Variants in OXCT1 observed in about 807,000 individuals in gnomAD.
OXCT1 encodes succinyl-CoA:3-ketoacid coenzyme A transferase 1, mitochondrial.
A neutral mutation model predicts 69.6 loss-of-function variants in OXCT1; 27 were observed. That is an observed-to-expected ratio of 0.39 (90% CI 0.29 to 0.54). The LOEUF (loss-of-function observed/expected upper bound fraction) is 0.54, where lower values mean the gene tolerates loss of function less well. Among genes scored for constraint, OXCT1 ranks in the 20% least tolerant of loss-of-function variants. The pLI is 0.72. For missense variants in OXCT1, 437 were observed against 650.2 expected (o/e 0.67, Z 3.57); for synonymous variants, 202 against 217.8 (o/e 0.93, Z 0.64).
At chr5:41,837,319 C>CGCCGTT (rs1427985087) in intron 7 of OXCT1, among the ~76,000 whole-genome samples, 2 of 150,728 alleles carry the variant, frequency 1.3e-5, no homozygotes, top group Admixed American at 1.3e-4. Context: ...AAAAAAAAGA[C>CGCCGTT]GCCGTTGACT....
chr5:41,747,127 T>C (rs181138827), intron 15 of OXCT1, among the ~76,000 whole-genome samples: 23 of 152,278 alleles, frequency 1.5e-4, no homozygotes, highest in African/African-American at 5.1e-4. Flanking sequence ...GAAGGGTTCC[T>C]TACTGCCTTC....
intron 14 of OXCT1, among the ~76,000 whole-genome samples, chr5:41,758,823 C>T (rs753750153): frequency 6.6e-6 from 1 of 151,922 alleles, no homozygotes; most frequent in Non-Finnish European, 1.5e-5. Flanking sequence ...AAAGACATAC[C>T]TCAGAAATTA....
chr5:41,820,903 C>T (rs1393736770), intron 7 of OXCT1, among the ~76,000 whole-genome samples: 2 of 152,138 alleles, frequency 1.3e-5, no homozygotes, highest in Non-Finnish European at 2.9e-5. Flanking sequence ...CATACACTCG[C>T]AGCAAACCAC....
intron 9 of OXCT1, 74 bp from the exon 10 acceptor site, chr5:41,803,237 G>A: frequency 1.1e-6 from 1 of 944,228 alleles, no homozygotes; most frequent in Non-Finnish European, 1.7e-6. Flanking sequence ...TACATATACA[G>A]ATCTGAACAG....
At chr5:41,811,779 C>T (rs1746996958) in intron 7 of OXCT1, among the ~76,000 whole-genome samples, 1 of 151,994 alleles carries the variant, frequency 6.6e-6, no homozygotes, top group African/African-American at 2.4e-5. Flanking sequence ...GATGGGAGCT[C>T]ATGCCAACAG....
At chr5:41,761,606 C>T (rs1354346179) in intron 14 of OXCT1, among the ~76,000 whole-genome samples, 1 of 152,050 alleles carries the variant, frequency 6.6e-6, no homozygotes, top group African/African-American at 2.4e-5. Flanking sequence ...AGTATAATAC[C>T]TTTCAGAGCT....
chr5:41,731,632 A>T lies in OXCT1; in HGVS notation c.*97T>A. 1 of 1,499,022 alleles carries T rather than the reference A, an allele frequency of 6.7e-7. No homozygotes were observed. Among genetic ancestry groups the T allele is most frequent in the Non-Finnish European group, 9.1e-7 (1 of 1,103,714 alleles). 92.9% of individuals were successfully genotyped at this position (1,499,022 alleles called of 1,614,324 possible). On this transcript the variant is annotated 3_prime_UTR_variant, in exon 17 of 17. Transcript: ENST00000196371. ...AACACAAGAAAACTAATAAAAAACC[A>T]CCTGTTAAATACACAATTATGATTA...
chr5:41,812,384 A>T (rs1747027040), intron 7 of OXCT1, among the ~76,000 whole-genome samples: 1 of 152,064 alleles, frequency 6.6e-6, no homozygotes, highest in Non-Finnish European at 1.5e-5. Flanking sequence ...TTCTGACAAT[A>T]TGAAAAAGGG....
chr5:41,815,605 G>C (rs1747198581), intron 7 of OXCT1, among the ~76,000 whole-genome samples: 1 of 151,922 alleles, frequency 6.6e-6, no homozygotes, highest in Non-Finnish European at 1.5e-5. Flanking sequence ...AATTTTATTA[G>C]GACTGTGGCA....
chr5:41,745,885 C>A (rs1326359533), intron 15 of OXCT1, among the ~76,000 whole-genome samples: 2 of 151,996 alleles, frequency 1.3e-5, no homozygotes, highest in Admixed American at 6.6e-5. Flanking sequence ...CAATAACAGG[C>A]TCTGAAATTG....
rs139977795 is a variant in OXCT1 at position 41,765,357 on chromosome 5, TG to T, written c.1249-3158del. Among the ~76,000 whole-genome samples, 445 of 152,318 alleles carry T rather than the reference TG, an allele frequency of 2.9e-3. 3 individuals are homozygous for T. The highest frequency in any genetic ancestry group is 0.01 in the African/African-American group (426 of 41,578). On this transcript the variant is annotated intron_variant, in intron 13 of 16. Coordinates refer to ENST00000196371, the MANE Select transcript of OXCT1 (RefSeq NM_000436.4). ...TGGACGCTGACATCCAAAGCGACTT[TG>T]GAAGATGGCTGAGTTTCCTTCAGCC...
At chr5:41,826,552 T>C (rs1347867943) in intron 7 of OXCT1, among the ~76,000 whole-genome samples, 1 of 152,038 alleles carries the variant, frequency 6.6e-6, no homozygotes, top group African/African-American at 2.4e-5. Context: ...CAACAGAGGC[T>C]GTAAGGAAGA....
At chr5:41,831,213 A>T (rs943776084) in intron 7 of OXCT1, among the ~76,000 whole-genome samples, 1 of 152,234 alleles carries the variant, frequency 6.6e-6, no homozygotes, top group African/African-American at 2.4e-5. Flanking sequence ...CCATGCAATG[A>T]AAAAAGTTTG....
At chr5:41,864,106 G>A (rs1439850367) in intron 1 of OXCT1, among the ~76,000 whole-genome samples, 1 of 152,186 alleles carries the variant, frequency 6.6e-6, no homozygotes, top group East Asian at 1.9e-4. Context: ...GCAATCAGTT[G>A]TAAACTTTTC....
chr5:41,764,644 TCA>T (rs572011672), intron 13 of OXCT1, among the ~76,000 whole-genome samples: 27 of 152,316 alleles, frequency 1.8e-4, no homozygotes, highest in African/African-American at 3.4e-4. Context: ...TGTAATGCTA[TCA>T]CAGTGAATTT....
At position 41,870,081 on chromosome 5, in the gene OXCT1, A is replaced by T; in HGVS notation, c.78+200T>A. 1 of 633,496 alleles carries T rather than the reference A, an allele frequency of 1.6e-6. No homozygotes were observed. Among genetic ancestry groups the T allele is most frequent in the African/African-American group, 1.8e-5 (1 of 55,176 alleles). 39.2% of individuals were successfully genotyped at this position (633,496 alleles called of 1,614,324 possible). ...CGCTCCATCAGGGAAGCGACTGCAGAACCAAGCAAAGGCGGTCATCCGAGG... is the reference window on the plus strand; with the variant it reads ...CGCTCCATCAGGGAAGCGACTGCAGTACCAAGCAAAGGCGGTCATCCGAGG... On this transcript the variant is annotated intron_variant, in intron 1 of 16. Coordinates refer to ENST00000196371, the MANE Select transcript of OXCT1 (RefSeq NM_000436.4). This position sits in a 1 kb window ranked among gnomAD's most constrained non-coding sequence, Gnocchi z 4.2.
At chr5:41,769,105 T>C (rs997306752) in intron 13 of OXCT1, among the ~76,000 whole-genome samples, 1 of 152,194 alleles carries the variant, frequency 6.6e-6, no homozygotes, top group African/African-American at 2.4e-5. Context: ...GCTATCCACA[T>C]GATTATTTTA....
intron 14 of OXCT1, among the ~76,000 whole-genome samples, chr5:41,754,120 C>T (rs1743944645): frequency 6.6e-6 from 1 of 151,338 alleles, no homozygotes; most frequent in East Asian, 1.9e-4. Flanking sequence ...AGCTTAAAGG[C>T]ACTTGCCATA....
chr5:41,802,919 GT>G (rs1352666249), intron 10 of OXCT1, 149 bp downstream of exon 10: 1 of 637,638 alleles, frequency 1.6e-6, no homozygotes, highest in Non-Finnish European at 2.8e-6. Context: ...AAAATCTCAG[GT>G]TTCAGCATTA....
Sources: gnomAD v4.1 joint callset for allele counts (sites outside exome capture counted in the v4.1 genomes callset) on GRCh38, gnomAD v4.1.1 for gene constraint, Gnocchi (gnomAD v3.1) non-coding constraint, MANE v1.5 for transcripts, NCBI Gene and HGNC (gene_info 2026-07-23, HGNC 2026-07-21) for gene names.